TMEM70: variants seen among roughly 807,000 people sequenced by gnomAD.
TMEM70 encodes the protein transmembrane protein 70, mitochondrial.
A neutral mutation model predicts 20.5 loss-of-function variants in TMEM70; 15 were observed. The observed-to-expected ratio is 0.73, with a 90% confidence interval of 0.49 to 1.13. The LOEUF (loss-of-function observed/expected upper bound fraction) is 1.13. Among genes scored for constraint, TMEM70 ranks in the 50% most tolerant of loss-of-function variants. TMEM70 has a pLI of 0.00. For missense variants in TMEM70, 344 were observed against 331.7 expected (o/e 1.04, Z -0.29); for synonymous variants, 141 against 134.2 (o/e 1.05, Z -0.35).
In TMEM70 at chr8:73,981,159, G is replaced by A; in HGVS notation, c.321G>A (p.Val107=). 4 of 1,612,620 alleles carry A rather than the reference G, an allele frequency of 2.5e-6. No homozygotes were observed. In the South Asian group the frequency reaches 3.3e-5, roughly 13 times the overall value. Residue 107 remains valine (V), a synonymous_variant, in exon 3 of 3, where the codon GTG becomes GTA. Coordinates refer to ENST00000312184, the MANE Select transcript of TMEM70 (RefSeq NM_017866.6). ...CTCTCTTTTTTTCCCATTTAGGTGT[G>A]AAATGTTTCTCTTATTCTACGAGTC... ...TGNMARAVFG[V]KCFSYSTSLI...
chr8:73,981,072 GA>G, intron 2 of TMEM70, 82 bp from the exon 3 acceptor site: 1 of 1,195,416 alleles, frequency 8.4e-7, no homozygotes, highest in Non-Finnish European at 1.2e-6. Flanking sequence ...ACAGTAAGAA[GA>G]AAAATGGAAG....
In TMEM70 at chr8:73,982,047, G is replaced by C. The variant is rs1318718834; in HGVS notation, c.*426G>C. 6.4e-6 allele frequency: 3 copies of C among 466,418 alleles called. No homozygotes were observed. Among genetic ancestry groups the C allele is most frequent in the Non-Finnish European group, 8.5e-6 (2 of 234,422 alleles). 28.9% of individuals were successfully genotyped at this position (466,418 alleles called of 1,614,324 possible). A position where few individuals can be genotyped will look rare whatever the true frequency, so the allele number is the denominator to read the frequency against. ...GCGGAGCTGTGGTCCACCTGCTCCT[G>C]CTCCTGACTCACTGCTCTTTGCTGT... On this transcript the variant is annotated 3_prime_UTR_variant, in exon 3 of 3. Transcript: ENST00000312184.
intron 1 of TMEM70, among the ~76,000 whole-genome samples, chr8:73,977,349 AT>A (rs5892437): frequency 0.49 from 74,014 of 150,006 alleles, 18,343 homozygotes; most frequent in African/African-American, 0.55. Flanking sequence ...ACCCCGGCTG[AT>A]TTTTTTTTTG....
At chr8:73,976,756 GT>G (rs1410951707) in intron 1 of TMEM70, among the ~76,000 whole-genome samples, 1 of 152,220 alleles carries the variant, frequency 6.6e-6, no homozygotes, top group Non-Finnish European at 1.5e-5. Flanking sequence ...ACTATATGTA[GT>G]TCCTTTTCTG....
At chr8:73,979,827 T>A (rs1228012974) in intron 2 of TMEM70, among the ~76,000 whole-genome samples, 1 of 152,084 alleles carries the variant, frequency 6.6e-6, no homozygotes, top group Non-Finnish European at 1.5e-5. Context: ...GTATACCAAC[T>A]TTAGTGATGC....
chr8:73,978,031 A>G (rs1586634860), intron 1 of TMEM70, among the ~76,000 whole-genome samples: 1 of 152,182 alleles, frequency 6.6e-6, no homozygotes, highest in Non-Finnish European at 1.5e-5. Context: ...TTAACTCTGT[A>G]GATTATTTGG....
Position 73,981,735 on chromosome 8 carries a change from A to G in TMEM70, c.*114A>G, listed in dbSNP as rs1407488037. ...TGTTAAAAATAATTTGAAATTATCA[A>G]AGCTTTTAATTTCCAGAGAATGATG... On this transcript the variant is annotated 3_prime_UTR_variant, in exon 3 of 3. Coordinates refer to ENST00000312184, the MANE Select transcript of TMEM70 (RefSeq NM_017866.6). 2.4e-6 allele frequency: 2 copies of G among 847,394 alleles called. No homozygotes were observed. Among genetic ancestry groups the G allele is most frequent in the Non-Finnish European group, 3.8e-6 (2 of 521,976 alleles). The allele number at this position is 847,394 out of a possible 1,614,324, so 52.5% of individuals were successfully genotyped here.
chr8:73,980,156 T>C (rs1329064550), intron 2 of TMEM70, among the ~76,000 whole-genome samples: 1 of 152,178 alleles, frequency 6.6e-6, no homozygotes, highest in Non-Finnish European at 1.5e-5. Context: ...TGGCACAATC[T>C]GGGCTCACTG....
At position 73,982,513 on chromosome 8, in the gene TMEM70, A is replaced by G. The variant is rs2291217; in HGVS notation, c.*892A>G. ...ATAAATTGATTACCAGTTGTTAAAAAATTTTCAAAAAACCGCAAAATTTCA... is the reference window on the plus strand; with the variant it reads ...ATAAATTGATTACCAGTTGTTAAAAGATTTTCAAAAAACCGCAAAATTTCA... On this transcript the variant is annotated 3_prime_UTR_variant, in exon 3 of 3. Transcript: ENST00000312184. The G allele has an allele frequency of 0.27, 165,412 of 611,640 alleles. 23,877 individuals are homozygous for G. Among genetic ancestry groups the G allele is most frequent in the South Asian group, 0.32 (22,757 of 71,186 alleles). 37.9% of individuals were successfully genotyped at this position (611,640 alleles called of 1,614,324 possible). A position where few individuals can be genotyped will look rare whatever the true frequency, so the allele number is the denominator to read the frequency against.
chr8:73,982,005 A>G lies in TMEM70; in HGVS notation c.*384A>G, dbSNP rs1251236207. 2.1e-6 allele frequency: 1 copy of G among 466,314 alleles called. No homozygotes were observed. Among genetic ancestry groups the G allele is most frequent in the Non-Finnish European group, 4.3e-6 (1 of 234,778 alleles). The allele number at this position is 466,314 out of a possible 1,614,324, so 28.9% of individuals were successfully genotyped here. ...AAAAGACATTTTCTCTTTGAGGAAG[A>G]CACAGTCATAGGTGGTGCGGAGCTG... On this transcript the variant is annotated 3_prime_UTR_variant, in exon 3 of 3. Coordinates refer to ENST00000312184, the MANE Select transcript of TMEM70 (RefSeq NM_017866.6).
rs374494665 is a variant in TMEM70 at position 73,981,642 on chromosome 8, G to C, written c.*21G>C. ...AATGAGCCTATTTGTTAGTGTTCGTGCTCAAATGTGATTTACGTTTTAATG... is the reference window on the plus strand; with the variant it reads ...AATGAGCCTATTTGTTAGTGTTCGTCCTCAAATGTGATTTACGTTTTAATG... On this transcript the variant is annotated 3_prime_UTR_variant, in exon 3 of 3. Transcript: ENST00000312184. 6.5e-7 allele frequency: 1 copy of C among 1,541,548 alleles called. No homozygotes were observed. The highest frequency in any genetic ancestry group is 1.4e-5 in the African/African-American group (1 of 72,616).
In TMEM70 at chr8:73,976,379, G is replaced by C; in HGVS notation, c.98G>C (p.Arg33Pro). 6.3e-7 allele frequency: 1 copy of C among 1,596,332 alleles called. No homozygotes were observed. ...LCAAAALRGP[R>P]ASVSRASSSS... The stretch of plus-strand genomic sequence containing the variant: ...GCGGCCGCCGCGCTCCGAGGTCCCC[G>C]GGCCTCTGTCTCCCGGGCGTCCTCC... The change falls in exon 1 of 3, where the codon CGG becomes CCG. Residue 33 changes from arginine to proline, a missense_variant. By Grantham distance (103) the Arg-to-Pro change is moderately radical. Transcript: ENST00000312184.
rs1398724262 is a variant in TMEM70, at chr8:73,981,494, TGTTA to T, written c.661_664del (p.Val221IlefsTer14). 6 of 1,613,882 alleles carry T rather than the reference TGTTA, an allele frequency of 3.7e-6. No homozygotes were observed. Among genetic ancestry groups the T allele is most frequent in the East Asian group, 4.5e-5 (2 of 44,892 alleles). On this transcript the variant is annotated frameshift_variant, in exon 3 of 3. Transcript: ENST00000312184. LOFTEE classifies it high-confidence loss of function. ...ACATTTTATGCTAAAACAAAATCAC[TGTTA>T]GTTAATCCAGTGCTCTTTCCAAACC...
rs1202521522 is a variant in TMEM70, at chr8:73,981,302, C to G, written c.464C>G (p.Thr155Ser). 1 of 1,614,160 alleles carries G rather than the reference C, an allele frequency of 6.2e-7. No homozygotes were observed. The highest frequency in any genetic ancestry group is 8.5e-7 in the Non-Finnish European group (1 of 1,180,036). The change falls in exon 3 of 3, where the codon ACC becomes AGC. Residue 155 changes from threonine (T) to serine (S), a missense_variant. Coordinates refer to ENST00000312184, the MANE Select transcript of TMEM70 (RefSeq NM_017866.6). ...YGIMGSFTVI[T>S]PVLLHFITKG... ...ATCATGGGAAGCTTTACGGTGATCA[C>G]CCCAGTGCTGCTTCACTTTATTACA...
At chr8:73,978,954 C>G (rs1815722367) in intron 2 of TMEM70, 93 bp downstream of exon 2, 2 of 1,464,130 alleles carry the variant, frequency 1.4e-6, no homozygotes, top group African/African-American at 1.4e-5. Flanking sequence ...TTATGGCATC[C>G]CTTAATTACA....
At position 73,977,281 on chromosome 8, in the gene TMEM70, A is replaced by T. The variant is rs145380608; in HGVS notation, c.210+790A>T. ...ACTGCAACCTCCGCCTTCCGGGTTC[A>T]AGCGATTCTCCTGCCTCAGCCTCCC... is the stretch of plus-strand genomic sequence containing the variant. On this transcript the variant is annotated intron_variant, in intron 1 of 2. Transcript: ENST00000312184. Among the ~76,000 whole-genome samples the T allele has an allele frequency of 3.7e-3, 563 of 152,234 alleles. 2 individuals are homozygous for T. Among genetic ancestry groups the T allele is most frequent in the African/African-American group, 0.013 (531 of 41,530 alleles).
chr8:73,980,245 A>C (rs1014476795), intron 2 of TMEM70, among the ~76,000 whole-genome samples: 1 of 152,020 alleles, frequency 6.6e-6, no homozygotes, highest in African/African-American at 2.4e-5. Flanking sequence ...CATGCCACCA[A>C]GCCTGGCTAA....
chr8:73,976,579 C>T, intron 1 of TMEM70, 88 bp downstream of exon 1: 2 of 1,304,304 alleles, frequency 1.5e-6, no homozygotes, highest in Non-Finnish European at 2.0e-6. Context: ...CTCTTCGCGA[C>T]CTCTCCCAGG....
rs752676288 is a variant in TMEM70 at position 73,982,560 on chromosome 8, G to A, written c.*939G>A. The A allele has an allele frequency of 2.0e-6, 1 of 506,406 alleles. No individual in the cohort carries two copies. Among genetic ancestry groups the A allele is most frequent in the Non-Finnish European group, 3.9e-6 (1 of 259,580 alleles). The allele number at this position is 506,406 out of a possible 1,614,324, so 31.4% of individuals were successfully genotyped here. A position where few individuals can be genotyped will look rare whatever the true frequency, so the allele number is the denominator to read the frequency against. On this transcript the variant is annotated 3_prime_UTR_variant, in exon 3 of 3. Transcript: ENST00000312184. ...TTCAAGAAATTCACAAATTATGGGA[G>A]CAGTTTTAAGTCTTCTTTGGTTCAG...
Sources: gnomAD v4.1 joint callset for allele counts (sites outside exome capture counted in the v4.1 genomes callset) on GRCh38, gnomAD v4.1.1 for gene constraint, MANE v1.5 for transcripts, NCBI Gene and HGNC (gene_info 2026-07-23, HGNC 2026-07-21) for gene names.